Variants in CCDC102B observed in about 807,000 individuals in gnomAD.
CCDC102B encodes the protein coiled-coil domain containing 102B.
Under a neutral mutation model 57.4 loss-of-function variants are expected in CCDC102B, and 75 were observed. That is an observed-to-expected ratio of 1.31 (90% CI 1.08 to 1.58). CCDC102B has a LOEUF of 1.58. CCDC102B is among the 40% of genes most tolerant of loss of function. CCDC102B has a pLI of 0.00. For synonymous variants in CCDC102B, 206 were observed against 201.9 expected (o/e 1.02, Z -0.17); for missense variants, 636 against 582.6 (o/e 1.09, Z -0.94).
In CCDC102B at chr18:68,869,271, T is replaced by C. The variant is rs190595555; in HGVS notation, c.937-5398T>C. The stretch of plus-strand genomic sequence containing the variant: ...TGACTCTGGGTTGGGGCATTGAGGA[T>C]TGACACCAAGCAAGACAGAGAAAAG... On this transcript the variant is annotated intron_variant, in intron 4 of 7. Transcript: ENST00000360242. Among the ~76,000 whole-genome samples, 481 of 152,124 alleles carry C rather than the reference T, an allele frequency of 3.2e-3. 4 individuals carry two copies. Among genetic ancestry groups the C allele is most frequent in the Non-Finnish European group, 2.0e-3 (136 of 68,004 alleles).
chr18:68,948,229 A>C (rs1402879336), intron 6 of CCDC102B, among the ~76,000 whole-genome samples: 1 of 152,130 alleles, frequency 6.6e-6, no homozygotes, highest in Non-Finnish European at 1.5e-5. Context: ...ATAAATTAGA[A>C]TTACAGTTAA....
At chr18:68,788,137 T>G (rs2144651868) in intron 2 of CCDC102B, among the ~76,000 whole-genome samples, 1 of 152,224 alleles carries the variant, frequency 6.6e-6, no homozygotes, top group African/African-American at 2.4e-5. Context: ...AGTTGAGCGG[T>G]TTTGAGTGAG....
At chr18:68,953,645 C>G (rs1462274452) in intron 6 of CCDC102B, among the ~76,000 whole-genome samples, 2 of 151,646 alleles carry the variant, frequency 1.3e-5, no homozygotes, top group African/African-American at 4.8e-5. Flanking sequence ...TAAATAATTT[C>G]TAGATATATG....
At chr18:68,960,095 T>C (rs1336273731) in intron 6 of CCDC102B, among the ~76,000 whole-genome samples, 4 of 152,204 alleles carry the variant, frequency 2.6e-5, no homozygotes, top group Non-Finnish European at 4.4e-5. Context: ...GCTGGGAATG[T>C]GCTGTGTTAC....
intron 2 of CCDC102B, among the ~76,000 whole-genome samples, chr18:68,788,507 G>C (rs2035299729): frequency 6.6e-6 from 1 of 151,368 alleles, no homozygotes. Context: ...ATGAATCTTG[G>C]TGCTCCTGTA....
chr18:68,831,406 A>G (rs912249054), intron 1 of CCDC102B, among the ~76,000 whole-genome samples: 2 of 152,112 alleles, frequency 1.3e-5, no homozygotes, highest in Admixed American at 1.3e-4. Flanking sequence ...AAATAGAGGT[A>G]ATATCTATCT....
intron 6 of CCDC102B, among the ~76,000 whole-genome samples, chr18:68,948,029 T>A (rs1435527336): frequency 6.6e-6 from 1 of 152,124 alleles, no homozygotes; most frequent in Non-Finnish European, 1.5e-5. Flanking sequence ...TTGTGCATCA[T>A]CATTACAACC....
rs551462600 is a variant in CCDC102B at position 68,980,304 on chromosome 18, A to G, written c.1264-30630A>G. ...TGAAGTTTCCTTTATTGAATACCAA[A>G]TGATACTGTGATTTAGATAGGTTCA... On this transcript the variant is annotated intron_variant, in intron 6 of 7. Coordinates refer to ENST00000360242, the MANE Select transcript of CCDC102B (RefSeq NM_024781.3). Among the ~76,000 whole-genome samples, 131 of 150,580 alleles carry G rather than the reference A, an allele frequency of 8.7e-4. 2 individuals carry two copies. The South Asian group carries it at 0.027, about 31-fold the overall frequency.
At chr18:68,832,647 T>G (rs191412786) in intron 1 of CCDC102B, among the ~76,000 whole-genome samples, 1 of 147,560 alleles carries the variant, frequency 6.8e-6, no homozygotes, top group East Asian at 2.1e-4. Flanking sequence ...CCCAAGACTG[T>G]GTCCTCTCCC....
chr18:68,883,495 G>T (rs2039766428), intron 5 of CCDC102B, among the ~76,000 whole-genome samples: 1 of 152,064 alleles, frequency 6.6e-6, no homozygotes, highest in Non-Finnish European at 1.5e-5. Context: ...AGGAGGGTTG[G>T]TTAAAATCAT....
At chr18:68,914,308 G>A (rs2040986022) in intron 6 of CCDC102B, among the ~76,000 whole-genome samples, 2 of 152,054 alleles carry the variant, frequency 1.3e-5, no homozygotes, top group African/African-American at 4.8e-5. Flanking sequence ...TGTGTAAATG[G>A]TCCTAGGCTG....
At position 68,977,900 on chromosome 18, in the gene CCDC102B, C is replaced by T. The variant is rs1042082146; in HGVS notation, c.1264-33034C>T. Among the ~76,000 whole-genome samples the T allele has an allele frequency of 4.6e-5, 7 of 152,030 alleles. No individual in the cohort carries two copies. The South Asian group carries it at 6.2e-4, about 14-fold the overall frequency. ...TTGGCTAGATCAGCCCATATGGAGA[C>T]GCTGAACACAGTAACCTTGCAGGCA... On this transcript the variant is annotated intron_variant, in intron 6 of 7. Transcript: ENST00000360242.
At chr18:68,987,898 T>C (rs2050764211) in intron 6 of CCDC102B, among the ~76,000 whole-genome samples, 1 of 152,036 alleles carries the variant, frequency 6.6e-6, no homozygotes, top group African/African-American at 2.4e-5. Flanking sequence ...AAAAATAACC[T>C]GCTCTTGAGG....
intron 4 of CCDC102B, among the ~76,000 whole-genome samples, chr18:68,862,804 G>A (rs2144887156): frequency 6.6e-6 from 1 of 152,010 alleles, no homozygotes; most frequent in East Asian, 1.9e-4. Flanking sequence ...TTTTATTATG[G>A]AAAACTTTGG....
intron 2 of CCDC102B, among the ~76,000 whole-genome samples, chr18:68,790,146 G>T (rs1229917595): frequency 2.7e-5 from 4 of 150,690 alleles, no homozygotes; most frequent in Non-Finnish European, 5.9e-5. Flanking sequence ...CTGCTCAGGG[G>T]TCAGGGGTCA....
intron 2 of CCDC102B, among the ~76,000 whole-genome samples, chr18:68,759,010 A>T (rs1328903742): frequency 6.7e-6 from 1 of 148,878 alleles, no homozygotes; most frequent in Non-Finnish European, 1.5e-5. Flanking sequence ...ACCCCTACCT[A>T]AAAAAAACAA....
At chr18:68,841,210 G>A (rs1276901541) in intron 3 of CCDC102B, among the ~76,000 whole-genome samples, 1 of 152,132 alleles carries the variant, frequency 6.6e-6, no homozygotes, top group East Asian at 1.9e-4. Context: ...CTTCGACTGA[G>A]ATGTGAATGT....
chr18:68,802,774 T>G (rs2035899674), intron 1 of CCDC102B, among the ~76,000 whole-genome samples: 1 of 152,202 alleles, frequency 6.6e-6, no homozygotes, highest in African/African-American at 2.4e-5. Flanking sequence ...AGCATAGATC[T>G]TTATCCAAAA....
chr18:68,924,199 T>C (rs991141116), intron 6 of CCDC102B, among the ~76,000 whole-genome samples: 1 of 151,416 alleles, frequency 6.6e-6, no homozygotes, highest in Admixed American at 6.6e-5. Context: ...ACACCTAATA[T>C]GGTTAGGCTT....
Sources: allele counts gnomAD v4.1 joint callset (sites outside exome capture counted in the v4.1 genomes callset), GRCh38; gene constraint gnomAD v4.1.1; transcripts MANE v1.5; gene names NCBI Gene and HGNC (gene_info 2026-07-23, HGNC 2026-07-21).